Variants in CHRDL1 observed in about 807,000 individuals in gnomAD.
CHRDL1 encodes chordin-like protein 1.
CHRDL1 carries 19 observed loss-of-function variants against 40.9 expected under a neutral mutation model. The observed-to-expected ratio is 0.46, with a 90% confidence interval of 0.32 to 0.68. CHRDL1 has a LOEUF of 0.68. Ranked by LOEUF, CHRDL1 falls within the 30% of genes least tolerant of loss-of-function variation. The probability of loss-of-function intolerance (pLI) is 0.03; values close to 1 mark genes in which losing one functional copy is unlikely to be tolerated. For missense variants in CHRDL1, 329 were observed against 352.1 expected, an observed-to-expected ratio of 0.93 and a Z score of 0.53; for synonymous variants, 136 against 123.4, an observed-to-expected ratio of 1.10 and a Z score of -0.68.
chrX:110,755,310 C>T (rs943244356), intron 4 of CHRDL1, among the ~76,000 whole-genome samples: 3 of 111,703 alleles, frequency 2.7e-5, no homozygotes, highest in African/African-American at 9.8e-5. Flanking sequence ...AATTTATTTG[C>T]TCTTTGTGGG....
In CHRDL1 at chrX:110,694,312, G is replaced by T. The variant is rs201430666; in HGVS notation, c.629C>A (p.Ser210Tyr). 1 of 1,205,263 alleles carries T rather than the reference G, an allele frequency of 8.3e-7. No homozygotes were observed. The highest frequency in any genetic ancestry group is 1.8e-5 in the South Asian group (1 of 55,821). ...TCGGCTTGGTGGAGGATCATAGTGA[G>T]AGCGGTGGTAAGAATGTCTCTGTAA... ...NREARHSYHR[S>Y]HYDPPPSRQA... The change falls in exon 8 of 12, where the codon TCT becomes TAT. Residue 210 changes from serine (S) to tyrosine (Y), a missense_variant. Transcript: ENST00000372042.
At chrX:110,689,072 GTATATA>G (rs758293619) in intron 8 of CHRDL1, among the ~76,000 whole-genome samples, 2,112 of 30,911 alleles carry the variant, frequency 0.068, 52 homozygotes, top group Middle Eastern at 0.094. Context: ...ATATATATAT[GTATATA>G]TATATATATA....
chrX:110,747,850 A>G (rs190064110), intron 4 of CHRDL1, among the ~76,000 whole-genome samples: 35 of 112,197 alleles, frequency 3.1e-4, no homozygotes, highest in African/African-American at 1.1e-3. Flanking sequence ...TAATCAATAT[A>G]GTTTACTTTT....
intron 6 of CHRDL1, 116 bp downstream of exon 6, chrX:110,719,719 T>A: frequency 2.9e-6 from 1 of 349,919 alleles, no homozygotes; most frequent in Non-Finnish European, 5.0e-6. Flanking sequence ...CTTTAAAAAC[T>A]AAGGCTACCA....
intron 5 of CHRDL1, among the ~76,000 whole-genome samples, chrX:110,721,084 G>A (rs993742989): frequency 9.0e-6 from 1 of 111,712 alleles, no homozygotes; most frequent in African/African-American, 3.3e-5. Context: ...TTCAGATGGA[G>A]GCTTTGGTGG....
intron 4 of CHRDL1, among the ~76,000 whole-genome samples, chrX:110,752,411 C>CA (rs1041655420): frequency 3.6e-5 from 4 of 111,665 alleles, no homozygotes; most frequent in African/African-American, 1.3e-4. Context: ...TGTACTGTGT[C>CA]AAGTGTCCAA....
intron 10 of CHRDL1, among the ~76,000 whole-genome samples, chrX:110,680,461 C>A (rs1483113328): frequency 8.9e-6 from 1 of 111,797 alleles, no homozygotes; most frequent in Non-Finnish European, 1.9e-5. Flanking sequence ...GAAAAAAAGC[C>A]TCATAAATAC....
chrX:110,694,432 G>C (rs768655575), intron 7 of CHRDL1, 101 bp from the exon 8 acceptor site: 2 of 604,182 alleles, frequency 3.3e-6, no homozygotes, highest in Admixed American at 3.6e-5. Flanking sequence ...ATTTATAGTG[G>C]TGAGCTCTGA....
rs772605267 is a variant in CHRDL1, at chrX:110,677,343, T to C, written c.1247-982A>G. Among the ~76,000 whole-genome samples the C allele has an allele frequency of 4.6e-4, 51 of 111,499 alleles. 1 individual carries two copies. Among genetic ancestry groups the C allele is most frequent in the Non-Finnish European group, 8.7e-4 (46 of 53,087 alleles). ...AAGGAACCAGCTATTACTGAAGCCC[T>C]ATAATGTGCTGGGCTCTGCTAGGCA... On this transcript the variant is annotated intron_variant, in intron 11 of 11. Transcript: ENST00000372042.
At chrX:110,681,327 A>G (rs1178272911) in intron 10 of CHRDL1, among the ~76,000 whole-genome samples, 155 bp downstream of exon 10, 1 of 112,344 alleles carries the variant, frequency 8.9e-6, no homozygotes, top group Non-Finnish European at 1.9e-5. Flanking sequence ...TTGAAAGGCC[A>G]TAATGACAAT....
intron 11 of CHRDL1, among the ~76,000 whole-genome samples, chrX:110,677,422 G>A (rs1455780399): frequency 1.8e-5 from 2 of 111,482 alleles, no homozygotes; most frequent in African/African-American, 6.5e-5. Flanking sequence ...GACCCTGTAG[G>A]ATCATACCAA....
intron 2 of CHRDL1, among the ~76,000 whole-genome samples, chrX:110,778,461 T>C (rs1221292468): frequency 8.9e-6 from 1 of 112,015 alleles, no homozygotes; most frequent in Non-Finnish European, 1.9e-5. Flanking sequence ...AATAGACACT[T>C]TTCAAAAGAC....
At position 110,688,766 on chromosome X, in the gene CHRDL1, C is replaced by T. The variant is rs1215058822; in HGVS notation, c.816G>A (p.Glu272=). The T allele has an allele frequency of 8.3e-7, 1 of 1,206,074 alleles. No homozygotes were observed. The highest frequency in any genetic ancestry group is 1.1e-6 in the Non-Finnish European group (1 of 893,351). ...VSNGKTYSHG[E]SWHPNLRAFG... ...ATGCCCGGAGGTTTGGGTGCCAGGA[C>T]TCGCCATGAGAATAGGTCTTTCCAT... The change falls in exon 9 of 12, where the codon GAG becomes GAA. Residue 272 remains glutamate, a synonymous_variant. Transcript: ENST00000372042.
intron 1 of CHRDL1, among the ~76,000 whole-genome samples, chrX:110,793,646 C>T (rs1026359632): frequency 8.9e-6 from 1 of 112,127 alleles, no homozygotes; most frequent in Non-Finnish European, 1.9e-5. Context: ...TCTTCCTGAG[C>T]CTATTCTAAT....
chrX:110,704,518 C>A (rs755909081), intron 6 of CHRDL1, among the ~76,000 whole-genome samples: 64 of 111,164 alleles, frequency 5.8e-4, no homozygotes, highest in African/African-American at 2.0e-3. Context: ...CCATGAGCAT[C>A]TGTGCAATAA....
intron 7 of CHRDL1, 28 bp from the exon 8 acceptor site, chrX:110,694,359 C>A (rs201209994): frequency 9.1e-7 from 1 of 1,102,492 alleles, no homozygotes; most frequent in East Asian, 3.0e-5. Flanking sequence ...CAAATTTAGT[C>A]CAAAAGCCAC....
chrX:110,780,616 A>T (rs2089925393), intron 2 of CHRDL1, among the ~76,000 whole-genome samples: 1 of 111,470 alleles, frequency 9.0e-6, no homozygotes. Context: ...AAATCTTAGA[A>T]GTAGATTTCT....
intron 4 of CHRDL1, among the ~76,000 whole-genome samples, chrX:110,722,911 T>C (rs2070987662): frequency 9.1e-6 from 1 of 110,402 alleles, no homozygotes; most frequent in African/African-American, 3.3e-5. Flanking sequence ...TGAATATGAG[T>C]CTATTTTGTG....
chrX:110,725,940 A>G (rs1377948218), intron 4 of CHRDL1, among the ~76,000 whole-genome samples: 1 of 111,647 alleles, frequency 9.0e-6, no homozygotes, highest in Non-Finnish European at 1.9e-5. Context: ...GAAGGTAAAG[A>G]CTAGAAAGAA....
Sources: allele counts gnomAD v4.1 joint callset (sites outside exome capture counted in the v4.1 genomes callset), GRCh38; gene constraint gnomAD v4.1.1; transcripts MANE v1.5; gene names NCBI Gene and HGNC (gene_info 2026-07-23, HGNC 2026-07-21).